Variants in GRIN2A observed in about 807,000 individuals in gnomAD.
GRIN2A encodes glutamate receptor ionotropic, NMDA 2A.
In GRIN2A, 22 loss-of-function variants were observed where a neutral mutation model predicts 113.4. That is an observed-to-expected ratio of 0.19 (90% CI 0.14 to 0.28). The LOEUF (loss-of-function observed/expected upper bound fraction) is 0.28. Ranked by LOEUF, GRIN2A falls within the 10% of genes least tolerant of loss-of-function variation. The probability of loss-of-function intolerance (pLI) is 1.00; values close to 1 mark genes in which losing one functional copy is unlikely to be tolerated. For missense variants in GRIN2A, 1,502 were observed against 1,887.0 expected (o/e 0.80, Z 3.78); for synonymous variants, 827 against 738.4 (o/e 1.12, Z -1.94).
chr16:9,854,543 T>G (rs2042936630), intron 4 of GRIN2A, among the ~76,000 whole-genome samples: 2 of 152,094 alleles, frequency 1.3e-5, no homozygotes, highest in African/African-American at 4.8e-5. Context: ...ATTTAGAAGT[T>G]ATATCCAAAA....
chr16:10,063,331 C>A (rs2047586839), intron 2 of GRIN2A, among the ~76,000 whole-genome samples: 2 of 152,200 alleles, frequency 1.3e-5, no homozygotes, highest in African/African-American at 4.8e-5. Context: ...ATGAAACAAC[C>A]CAGCACATGT....
intron 4 of GRIN2A, among the ~76,000 whole-genome samples, chr16:9,871,825 G>A (rs529868176): frequency 1.3e-5 from 2 of 152,180 alleles, no homozygotes; most frequent in East Asian, 1.9e-4. Flanking sequence ...AGCTCCATTC[G>A]CTTCCCACTT....
At chr16:10,002,911 A>C (rs936863358) in intron 2 of GRIN2A, among the ~76,000 whole-genome samples, 1 of 152,216 alleles carries the variant, frequency 6.6e-6, no homozygotes. Context: ...GAGAAAGGCA[A>C]TTTTCCTACT....
rs552222944 is a variant in GRIN2A at position 9,809,471 on chromosome 16, T to C, written c.2169-11007A>G. Among the ~76,000 whole-genome samples, 5 of 151,494 alleles carry C rather than the reference T, an allele frequency of 3.3e-5. No individual in the cohort carries two copies. In the East Asian group the frequency reaches 9.7e-4, roughly 29 times the overall value. ...ATGCAAATGCATATAATAAAAGTCTTGGAGAAATGGAACGTACATCAAACA... is the reference window on the plus strand; with the variant it reads ...ATGCAAATGCATATAATAAAAGTCTCGGAGAAATGGAACGTACATCAAACA... On this transcript the variant is annotated intron_variant, in intron 10 of 12. Transcript: ENST00000330684.
chr16:10,063,903 A>G (rs556232202), intron 2 of GRIN2A, among the ~76,000 whole-genome samples: 132 of 152,252 alleles, frequency 8.7e-4, no homozygotes, highest in African/African-American at 2.9e-3. Flanking sequence ...CCCCTGAGGA[A>G]GCTGCCACTT....
chr16:9,946,950 C>T (rs528236242), intron 2 of GRIN2A, among the ~76,000 whole-genome samples: 3 of 152,268 alleles, frequency 2.0e-5, no homozygotes, highest in Non-Finnish European at 4.4e-5. Flanking sequence ...TTCCATGTCC[C>T]AATTAATTAC....
intron 2 of GRIN2A, among the ~76,000 whole-genome samples, chr16:10,021,607 C>T (rs539578012): frequency 2.6e-5 from 4 of 152,294 alleles, no homozygotes; most frequent in Admixed American, 2.0e-4. Flanking sequence ...GGAGCGGAAG[C>T]AAGCCCTTTC....
intron 2 of GRIN2A, among the ~76,000 whole-genome samples, chr16:10,086,252 T>C (rs1208504310): frequency 1.3e-5 from 2 of 152,070 alleles, no homozygotes; most frequent in African/African-American, 4.8e-5. Flanking sequence ...CTTCTGACAA[T>C]AAGTACATCA....
At chr16:9,819,914 T>C in intron 10 of GRIN2A, among the ~76,000 whole-genome samples, 1 of 86,196 alleles carries the variant, frequency 1.2e-5, no homozygotes, top group African/African-American at 5.0e-5. Context: ...AGAGCGAAAC[T>C]CCGTCTCAAA....
intron 2 of GRIN2A, chr16:10,111,354 T>C: frequency 2.4e-6 from 1 of 420,270 alleles, no homozygotes; most frequent in Non-Finnish European, 4.5e-6. Flanking sequence ...GCGCGGGTGT[T>C]TGTCGCTTCG....
intron 4 of GRIN2A, among the ~76,000 whole-genome samples, chr16:9,890,660 T>C (rs996476328): frequency 5.3e-5 from 8 of 152,360 alleles, no homozygotes; most frequent in Non-Finnish European, 1.0e-4. Context: ...TCTATGATCA[T>C]TGCTACATAG....
At chr16:9,887,498 A>C (rs1338953450) in intron 4 of GRIN2A, among the ~76,000 whole-genome samples, 1 of 152,160 alleles carries the variant, frequency 6.6e-6, no homozygotes, top group Non-Finnish European at 1.5e-5. Context: ...AATGTTTTTC[A>C]ATTCATCCAT....
intron 3 of GRIN2A, among the ~76,000 whole-genome samples, chr16:9,917,251 A>G (rs2044270715): frequency 6.6e-6 from 1 of 152,204 alleles, no homozygotes; most frequent in Non-Finnish European, 1.5e-5. Flanking sequence ...GAGCCATAAT[A>G]TAGTGCAATT....
intron 2 of GRIN2A, among the ~76,000 whole-genome samples, chr16:10,158,684 C>T (rs765659649): frequency 6.6e-6 from 1 of 152,162 alleles, no homozygotes; most frequent in Non-Finnish European, 1.5e-5. Context: ...GGTCACATAA[C>T]AGACGATCCC....
rs71133304 is a variant in GRIN2A at position 10,055,047 on chromosome 16, C to CAAAAAAA, written c.415-116503_415-116497dup. 2.9e-3 allele frequency among the ~76,000 whole-genome samples: 30 copies of CAAAAAAA among 10,378 alleles called. 2 individuals carry two copies. The highest frequency in any genetic ancestry group is 3.6e-3 in the African/African-American group (8 of 2,196). The allele number at this position is 10,378 out of a possible 152,430, so 6.8% of individuals were successfully genotyped here. A position where few individuals can be genotyped will look rare whatever the true frequency, so the allele number is the denominator to read the frequency against. ...CAGGCAACAGAGCGAGACTCTATCTCAAAAAAAAAAAAAAAAAAAAAAAAA... is the reference window on the plus strand; with the variant it reads ...CAGGCAACAGAGCGAGACTCTATCTCAAAAAAAAAAAAAAAAAAAAAAAAAAAAAAAA... On this transcript the variant is annotated intron_variant, in intron 2 of 12. Coordinates refer to ENST00000330684, the MANE Select transcript of GRIN2A (RefSeq NM_001134407.3).
chr16:9,967,004 G>A (rs192534830), intron 2 of GRIN2A, among the ~76,000 whole-genome samples: 3 of 152,288 alleles, frequency 2.0e-5, no homozygotes, highest in South Asian at 2.1e-4. Context: ...ATGAGTCACT[G>A]TTAAGTTCTC....
chr16:10,035,966 C>T (rs529207159), intron 2 of GRIN2A, among the ~76,000 whole-genome samples: 5 of 152,124 alleles, frequency 3.3e-5, no homozygotes, highest in South Asian at 2.1e-4. Flanking sequence ...TCAAGTGATC[C>T]GCCTGCCTGG....
chr16:10,100,480 C>A (rs534161847), intron 2 of GRIN2A, among the ~76,000 whole-genome samples: 1 of 152,186 alleles, frequency 6.6e-6, no homozygotes, highest in Non-Finnish European at 1.5e-5. Flanking sequence ...TCTGCACCTC[C>A]ATTTCCTCAT....
rs533468532 is a variant in GRIN2A at position 10,058,498 on chromosome 16, T to C, written c.415-119947A>G. 1.6e-4 allele frequency among the ~76,000 whole-genome samples: 25 copies of C among 152,326 alleles called. No homozygotes were observed. In the South Asian group the frequency reaches 5.2e-3, roughly 32 times the overall value. ...GGCAAAAGTAAATAATTCTGAAATA[T>C]CTACAACAATGATAATGTGATAAGA... On this transcript the variant is annotated intron_variant, in intron 2 of 12. Transcript: ENST00000330684.
Sources: allele counts gnomAD v4.1 joint callset (sites outside exome capture counted in the v4.1 genomes callset), GRCh38; gene constraint gnomAD v4.1.1; transcripts MANE v1.5; gene names NCBI Gene and HGNC (gene_info 2026-07-23, HGNC 2026-07-21).